The following MUC6 variants were observed in gnomAD, a reference collection of about 807,000 sequenced individuals.
The protein encoded by MUC6 is mucin 6, oligomeric mucus/gel-forming (gene/pseudogene), also known as mucin-6.
In MUC6, 188 loss-of-function variants were observed where a neutral mutation model predicts 201.5. The ratio of observed to expected loss-of-function variants is 0.93; its 90% CI spans 0.83 to 1.05. The LOEUF is 1.05. MUC6 is among the 50% of genes least tolerant of loss of function. The pLI is 0.00. For synonymous variants in MUC6, 1,228 were observed against 1,389.4 expected (o/e 0.88, Z 2.58); for missense variants, 2,706 against 3,256.9 (o/e 0.83, Z 4.12).
In MUC6 at chr11:1,024,073, C is replaced by T. The variant is rs757130938; in HGVS notation, c.3256G>A (p.Val1086Met). The part of the protein sequence containing the change: ...VYHLPYYEAC[V>M]RDACGCDSGG... ...CTGTCACACCCACATGCGTCGCGCA[C>T]GCAGGCCTCGTAGTAGGGCAGGTGG... The change falls in exon 25 of 33, where the codon GTG becomes ATG. Residue 1086 changes from valine (V) to methionine (M), a missense_variant. Around this residue, in one of 10 missense-constraint regions of MUC6, gnomAD observed 1,850 missense variants for 1,958.3 expected, o/e 0.94. Coordinates refer to ENST00000421673, the MANE Select transcript of MUC6 (RefSeq NM_005961.3). The T allele has an allele frequency of 2.0e-5, 33 of 1,612,934 alleles. No homozygotes were observed. The highest frequency in any genetic ancestry group is 3.3e-5 in the Admixed American group (2 of 59,988).
At chr11:1,014,452 C>T (rs1033085431) in intron 31 of MUC6, among the ~76,000 whole-genome samples, 5 of 152,120 alleles carry the variant, frequency 3.3e-5, no homozygotes, top group African/African-American at 1.2e-4. Context: ...GCTCCGTGTG[C>T]CCCAGCTGGG....
chr11:1,034,836 GC>G (rs1205490523), intron 1 of MUC6, among the ~76,000 whole-genome samples: 1 of 152,050 alleles, frequency 6.6e-6, no homozygotes, highest in Non-Finnish European at 1.5e-5. Flanking sequence ...CACCCCCTGC[GC>G]CCCCCGCCGC....
At chr11:1,030,911 C>CCTGG in intron 6 of MUC6, 36 bp downstream of exon 6, 2 of 1,545,422 alleles carry the variant, frequency 1.3e-6, no homozygotes, top group Non-Finnish European at 1.7e-6. Flanking sequence ...CCCTGTCAGA[C>CCTGG]CTGGGGTCAG....
rs761197153 is a variant in MUC6, at chr11:1,029,381, G to A, written c.1137-15C>T. 5 of 1,593,538 alleles carry A rather than the reference G, an allele frequency of 3.1e-6. No individual in the cohort carries two copies. In the African/African-American group the frequency reaches 6.7e-5, roughly 21 times the overall value. On this transcript the variant is annotated splice_polypyrimidine_tract_variant and intron_variant, in intron 9 of 32. Coordinates refer to ENST00000421673, the MANE Select transcript of MUC6 (RefSeq NM_005961.3). ...GGGTGCACCGGCTGTGGGTGGGCGTGGGGGTAGCGGCATGGTGGGCAGGGC... is the reference window on the plus strand; with the variant it reads ...GGGTGCACCGGCTGTGGGTGGGCGTAGGGGTAGCGGCATGGTGGGCAGGGC...
At chr11:1,023,835 C>G in intron 25 of MUC6, 112 bp downstream of exon 25, 3 of 1,473,312 alleles carry the variant, frequency 2.0e-6, no homozygotes, top group East Asian at 2.5e-5. Context: ...CAGGGCACAG[C>G]CCGGCGCCTG....
chr11:1,023,117 ATG>A lies in MUC6; in HGVS notation c.3526+390_3526+391del, dbSNP rs922416043. Among the ~76,000 whole-genome samples the A allele has an allele frequency of 7.3e-5, 11 of 150,084 alleles. No individual in the cohort carries two copies. The East Asian group carries it at 8.0e-4, about 11-fold the overall frequency. On this transcript the variant is annotated intron_variant, in intron 26 of 32. Coordinates refer to ENST00000421673, the MANE Select transcript of MUC6 (RefSeq NM_005961.3). ...GTGAATGAATGGATGAATGGAGTGA[ATG>A]TGCATGAGTGTGCGTGAATGTGCGT...
Position 1,015,908 on chromosome 11 carries a change from G to A in MUC6, c.6893C>T (p.Ser2298Phe), listed in dbSNP as rs754621977. The change falls in exon 31 of 33, where the codon TCT becomes TTT. Residue 2298 changes from serine to phenylalanine, a missense_variant. This residue lies in a region of MUC6 where 586 missense variants were observed against 488.0 expected (regional missense o/e 1.20). Transcript: ENST00000421673. Reference protein sequence around the residue: ...LTSGVTGIPTSPVTNLTTRHP... With the variant: ...LTSGVTGIPTFPVTNLTTRHP... ...CCTGGTGGTAAGGTTGGTGACTGGA[G>A]AGGTGGGGATACCCGTCACCCCCGA... is the stretch of plus-strand genomic sequence containing the variant. 6.2e-6 allele frequency: 10 copies of A among 1,607,100 alleles called. No homozygotes were observed. In the South Asian group the frequency reaches 8.9e-5, roughly 14 times the overall value.
At position 1,025,922 on chromosome 11, in the gene MUC6, GGA is replaced by G; in HGVS notation, c.2689-9_2689-8del. ...CGTTGACACCACAGACGTCCTGCAG[GGA>G]GAGGGCGCTGAGGAGGAGCCCTGGA... On this transcript the variant is annotated splice_region_variant and splice_polypyrimidine_tract_variant and intron_variant, in intron 21 of 32. Transcript: ENST00000421673. The G allele has an allele frequency of 6.2e-7, 1 of 1,606,798 alleles. No individual in the cohort carries two copies. The highest frequency in any genetic ancestry group is 8.5e-7 in the Non-Finnish European group (1 of 1,177,072).
chr11:1,035,893 T>G (rs1335047854), intron 1 of MUC6, among the ~76,000 whole-genome samples: 2 of 152,118 alleles, frequency 1.3e-5, no homozygotes, highest in Non-Finnish European at 2.9e-5. Context: ...GGTCTCAGGC[T>G]GCGGCCACAG....
chr11:1,026,476 C>T lies in MUC6; in HGVS notation c.2397G>A (p.Val799=). 1.3e-6 allele frequency: 2 copies of T among 1,585,418 alleles called. No homozygotes were observed. The highest frequency in any genetic ancestry group is 1.8e-5 in the Admixed American group (1 of 56,490). ...CACAGCCAGGCTCACACTTGGTGGG[C>T]ACCTGGAGGGAGGCAGGTCAGCAGC... ...CQMLATGVAC[V]PTKCEPGCVC... is the part of the protein sequence containing the mutation. Residue 799 remains valine, a splice_region_variant and synonymous_variant, in exon 20 of 33, where the codon GTG becomes GTA. Coordinates refer to ENST00000421673, the MANE Select transcript of MUC6 (RefSeq NM_005961.3).
Position 1,026,012 on chromosome 11 carries a change from G to A in MUC6, c.2676C>T (p.Tyr892=). The change falls in exon 21 of 33, where the codon TAC becomes TAT. Residue 892 remains tyrosine (Y), a synonymous_variant. Transcript: ENST00000421673. The part of the protein sequence containing the change: ...QRFVFDGNCE[Y]ILATDVCGVN... ...ACCCGATGGTTACCGTGGCCAGGAT[G>A]TACTCGCAGTTGCCGTCGAATACGA... 5.0e-6 allele frequency: 8 copies of A among 1,587,544 alleles called. No individual in the cohort carries two copies. The highest frequency in any genetic ancestry group is 6.0e-6 in the Non-Finnish European group (7 of 1,167,490).
intron 1 of MUC6, among the ~76,000 whole-genome samples, chr11:1,036,054 G>A (rs530940682): frequency 2.0e-5 from 3 of 152,158 alleles, no homozygotes; most frequent in African/African-American, 7.2e-5. Flanking sequence ...CGGGGGAGAG[G>A]GCAGGCTGCC....
chr11:1,019,213 T>G, intron 30 of MUC6, 62 bp downstream of exon 30: 19 of 1,523,168 alleles, frequency 1.2e-5, no homozygotes, highest in Non-Finnish European at 1.5e-5. Context: ...TCACTGAATG[T>G]GAGCTGGTGG....
In MUC6 at chr11:1,025,783, CAG is replaced by C; in HGVS notation, c.2799+20_2799+21del. 3 of 1,599,210 alleles carry C rather than the reference CAG, an allele frequency of 1.9e-6. No individual in the cohort carries two copies. The highest frequency in any genetic ancestry group is 2.7e-5 in the African/African-American group (2 of 74,724). On this transcript the variant is annotated intron_variant, in intron 22 of 32. Transcript: ENST00000421673. ...CCCCCTACCGCCCGTCCTGCCCTGC[CAG>C]AGTCTGCCCGGCTGCTCACCCCCAG... is the stretch of plus-strand genomic sequence containing the variant.
chr11:1,020,145 C>T lies in MUC6; in HGVS notation c.3753G>A (p.Gln1251=). ...TGAGCGTGGCTGGAAGGAGGGGTGT[C>T]TGGGTGGGGCTGGCAGGGGTGTGAT... is the stretch of plus-strand genomic sequence containing the variant. The part of the protein sequence containing the change: ...SSNHTPASPT[Q]TPLLPATLTS... The change falls in exon 29 of 33, where the codon CAG becomes CAA. Residue 1251 remains glutamine, a synonymous_variant. Transcript: ENST00000421673. 8 of 1,613,112 alleles carry T rather than the reference C, an allele frequency of 5.0e-6. No individual in the cohort carries two copies. Among genetic ancestry groups the T allele is most frequent in the Non-Finnish European group, 5.9e-6 (7 of 1,179,820 alleles).
At chr11:1,022,586 G>A (rs1375412010) in intron 26 of MUC6, among the ~76,000 whole-genome samples, 1 of 152,158 alleles carries the variant, frequency 6.6e-6, no homozygotes, top group Non-Finnish European at 1.5e-5. Flanking sequence ...CCTCTCCATG[G>A]TGGGCGCCTC....
chr11:1,028,819 C>T lies in MUC6; in HGVS notation c.1454-36G>A, dbSNP rs781476098. 13 of 1,609,056 alleles carry T rather than the reference C, an allele frequency of 8.1e-6. No individual in the cohort carries two copies. The East Asian group carries it at 1.6e-4, about 19-fold the overall frequency. On this transcript the variant is annotated intron_variant, in intron 12 of 32. Transcript: ENST00000421673. The stretch of plus-strand genomic sequence containing the variant: ...CAGTGCTCAGTGGGCCGTCTGGGCT[C>T]CCTCCCCACCCACTGCAGCCCGCCC...
Position 1,013,694 on chromosome 11 carries a change from T to A in MUC6, c.7143-61A>T, listed in dbSNP as rs1178275048. On this transcript the variant is annotated intron_variant, in intron 32 of 32. Transcript: ENST00000421673. ...GCTGCAGGGGCATAAGGCCCCTCCCTCCCCAGGGCAGCTGCTCCGCAGAGG... is the reference window on the plus strand; with the variant it reads ...GCTGCAGGGGCATAAGGCCCCTCCCACCCCAGGGCAGCTGCTCCGCAGAGG... The A allele has an allele frequency of 4.7e-6, 7 of 1,500,326 alleles. No homozygotes were observed. The South Asian group carries it at 8.5e-5, about 18-fold the overall frequency. The allele number at this position is 1,500,326 out of a possible 1,614,324, so 92.9% of individuals were successfully genotyped here.
intron 22 of MUC6, 67 bp downstream of exon 22, chr11:1,025,738 G>C: frequency 7.1e-7 from 1 of 1,416,046 alleles, no homozygotes. Flanking sequence ...CAGTGCGCGG[G>C]ATCCAGCTGT....
Sources: allele counts gnomAD v4.1 joint callset (sites outside exome capture counted in the v4.1 genomes callset), GRCh38; gene constraint gnomAD v4.1.1; regional missense constraint gnomAD v4.1.1; transcripts MANE v1.5; gene names NCBI Gene and HGNC (gene_info 2026-07-23, HGNC 2026-07-21).